TACR3: variants seen among roughly 807,000 people sequenced by gnomAD.
The protein encoded by TACR3 is tachykinin receptor 3.
In TACR3, 34 loss-of-function variants were observed where a neutral mutation model predicts 35.0. The ratio of observed to expected loss-of-function variants is 0.97; its 90% confidence interval spans 0.74 to 1.30. The LOEUF (loss-of-function observed/expected upper bound fraction) is 1.30. Among genes scored for constraint, TACR3 ranks in the 50% most tolerant of loss-of-function variants. The pLI is 0.00. For synonymous variants in TACR3, 233 were observed against 221.1 expected, an observed-to-expected ratio of 1.05 and a Z score of -0.48; for missense variants, 558 against 591.7, an observed-to-expected ratio of 0.94 and a Z score of 0.59.
intron 3 of TACR3, among the ~76,000 whole-genome samples, chr4:103,607,288 G>A (rs1448049324): frequency 1.3e-5 from 2 of 151,980 alleles, no homozygotes; most frequent in African/African-American, 4.8e-5. Flanking sequence ...CTAGAAATTA[G>A]CATAGTTTTT....
intron 1 of TACR3, among the ~76,000 whole-genome samples, chr4:103,694,177 A>T (rs979842640): frequency 6.6e-6 from 1 of 151,866 alleles, no homozygotes; most frequent in Admixed American, 6.6e-5. Context: ...ACTTTTTAAA[A>T]CTCTACATCC....
chr4:103,633,361 A>G (rs1725109398), intron 3 of TACR3, among the ~76,000 whole-genome samples: 1 of 152,118 alleles, frequency 6.6e-6, no homozygotes, highest in East Asian at 1.9e-4. Context: ...ATAAAGTAAC[A>G]GAGCCCCATG....
chr4:103,615,589 A>G (rs2110300210), intron 3 of TACR3, among the ~76,000 whole-genome samples: 1 of 152,356 alleles, frequency 6.6e-6, no homozygotes. Context: ...TTCCTTGAAT[A>G]GCTTTCCTAT....
intron 3 of TACR3, among the ~76,000 whole-genome samples, chr4:103,592,221 T>C (rs1447446655): frequency 6.6e-6 from 1 of 152,238 alleles, no homozygotes; most frequent in Non-Finnish European, 1.5e-5. Flanking sequence ...GTTTCTCTTA[T>C]AATCTGATAT....
intron 1 of TACR3, among the ~76,000 whole-genome samples, chr4:103,698,900 C>A (rs1223404583): frequency 1.3e-5 from 2 of 152,274 alleles, no homozygotes; most frequent in East Asian, 3.9e-4. Context: ...AAAAACATCA[C>A]ATGTACCCCC....
At chr4:103,617,729 A>G (rs1398416647) in intron 3 of TACR3, among the ~76,000 whole-genome samples, 1 of 152,208 alleles carries the variant, frequency 6.6e-6, no homozygotes, top group Non-Finnish European at 1.5e-5. Context: ...CATTTGAGTC[A>G]TGGTTTAAGA....
rs1004437163 is a variant in TACR3 at position 103,702,741 on chromosome 4, G to T, written c.548+16387C>A. Among the ~76,000 whole-genome samples the T allele has an allele frequency of 3.3e-5, 5 of 152,112 alleles. No individual in the cohort carries two copies. In the South Asian group the frequency reaches 1.0e-3, roughly 32 times the overall value. On this transcript the variant is annotated intron_variant, in intron 1 of 4. Transcript: ENST00000304883. ...CAGCCATAAATTATGATGAGTTCAT[G>T]TTCCTTGTAGGGACATGGATGAAGC...
intron 3 of TACR3, among the ~76,000 whole-genome samples, chr4:103,637,054 T>C (rs903534012): frequency 2.6e-5 from 4 of 152,050 alleles, no homozygotes; most frequent in African/African-American, 7.2e-5. Context: ...TTCCAATCAA[T>C]AGCAAAAGAG....
At chr4:103,653,151 G>A (rs1312837911) in intron 3 of TACR3, among the ~76,000 whole-genome samples, 1 of 152,006 alleles carries the variant, frequency 6.6e-6, no homozygotes, top group Non-Finnish European at 1.5e-5. Flanking sequence ...AAACCAAGAG[G>A]AAGACATATA....
chr4:103,667,858 G>C (rs773788340), intron 1 of TACR3, among the ~76,000 whole-genome samples: 57 of 151,284 alleles, frequency 3.8e-4, no homozygotes, highest in Non-Finnish European at 7.1e-4. Flanking sequence ...TCTGAGATGG[G>C]GTCTCTGTCA....
intron 1 of TACR3, among the ~76,000 whole-genome samples, chr4:103,715,643 C>A (rs1011157895): frequency 6.6e-6 from 1 of 152,098 alleles, no homozygotes; most frequent in Non-Finnish European, 1.5e-5. Flanking sequence ...ATACTCAGAT[C>A]AATACTGGAT....
chr4:103,708,345 C>T lies in TACR3; in HGVS notation c.548+10783G>A, dbSNP rs114849841. ...CATTCCAGCAGCAACATTTGCTGTT[C>T]AACAATATTTGCTGTTCTGCAGCCT... On this transcript the variant is annotated intron_variant, in intron 1 of 4. Transcript: ENST00000304883. Among the ~76,000 whole-genome samples the T allele has an allele frequency of 3.0e-3, 463 of 152,250 alleles. 2 individuals carry two copies. The highest frequency in any genetic ancestry group is 9.1e-3 in the African/African-American group (379 of 41,548).
At chr4:103,649,079 G>A (rs1380643543) in intron 3 of TACR3, among the ~76,000 whole-genome samples, 2 of 152,122 alleles carry the variant, frequency 1.3e-5, no homozygotes, top group South Asian at 2.1e-4. Context: ...CCATTTGTAT[G>A]TCTTCTTTTG....
chr4:103,647,986 T>G (rs751016303), intron 3 of TACR3, among the ~76,000 whole-genome samples: 2 of 151,990 alleles, frequency 1.3e-5, no homozygotes, highest in Non-Finnish European at 2.9e-5. Context: ...AGAATATAAT[T>G]CACAAGGCTT....
At chr4:103,659,470 A>G (rs1178676201) in intron 1 of TACR3, among the ~76,000 whole-genome samples, 2 of 152,162 alleles carry the variant, frequency 1.3e-5, no homozygotes, top group South Asian at 2.1e-4. Context: ...TGAAACTCCT[A>G]TAAAAGATAT....
chr4:103,623,161 T>C (rs1724820736), intron 3 of TACR3, among the ~76,000 whole-genome samples: 1 of 152,128 alleles, frequency 6.6e-6, no homozygotes, highest in South Asian at 2.1e-4. Context: ...TTGTATTATT[T>C]AAATCTTCCT....
intron 1 of TACR3, among the ~76,000 whole-genome samples, chr4:103,659,413 A>C (rs1359040274): frequency 6.6e-6 from 1 of 152,200 alleles, no homozygotes; most frequent in Non-Finnish European, 1.5e-5. Context: ...TAAACATATA[A>C]TTTCTAGAGA....
At chr4:103,659,750 T>A (rs371893788) in intron 1 of TACR3, among the ~76,000 whole-genome samples, 5 of 152,278 alleles carry the variant, frequency 3.3e-5, no homozygotes, top group African/African-American at 9.6e-5. Context: ...ATTCTGTAAA[T>A]ATGGTAAGTA....
intron 3 of TACR3, among the ~76,000 whole-genome samples, chr4:103,600,089 C>G (rs895485648): frequency 1.3e-5 from 2 of 151,938 alleles, no homozygotes; most frequent in Non-Finnish European, 2.9e-5. Flanking sequence ...TGGTCCTGGA[C>G]TTTTTTTGGT....
Sources: gnomAD v4.1 joint callset for allele counts (sites outside exome capture counted in the v4.1 genomes callset) on GRCh38, gnomAD v4.1.1 for gene constraint, MANE v1.5 for transcripts, NCBI Gene and HGNC (gene_info 2026-07-23, HGNC 2026-07-21) for gene names.